Variants in DIRAS2 observed in about 807,000 individuals in gnomAD.
DIRAS2 encodes the protein GTP-binding protein Di-Ras2.
A neutral mutation model predicts 13.9 loss-of-function variants in DIRAS2; 5 were observed. That is an observed-to-expected ratio of 0.36 (90% CI 0.19 to 0.76). The LOEUF (loss-of-function observed/expected upper bound fraction) is 0.76, where lower values mean the gene tolerates loss of function less well. Ranked by LOEUF, DIRAS2 falls within the 30% of genes least tolerant of loss-of-function variation. The pLI is 0.53. For missense variants in DIRAS2, 191 were observed against 263.0 expected, an observed-to-expected ratio of 0.73 and a Z score of 1.89; for synonymous variants, 111 against 105.4, an observed-to-expected ratio of 1.05 and a Z score of -0.33.
intron 1 of DIRAS2, among the ~76,000 whole-genome samples, chr9:90,637,143 A>C (rs1825378899): frequency 6.6e-6 from 1 of 152,240 alleles, no homozygotes; most frequent in Admixed American, 6.5e-5. Context: ...ATTGAAGTAC[A>C]GTTTCTACCG....
chr9:90,632,448 T>A (rs941909892), intron 1 of DIRAS2, among the ~76,000 whole-genome samples: 2 of 152,206 alleles, frequency 1.3e-5, no homozygotes, highest in African/African-American at 4.8e-5. Flanking sequence ...AAAATATCAC[T>A]GGCTCAATGA....
chr9:90,629,448 A>G (rs989751488), intron 1 of DIRAS2, among the ~76,000 whole-genome samples: 32 of 152,302 alleles, frequency 2.1e-4, no homozygotes, highest in Admixed American at 1.1e-3. Context: ...GCTGTGGTAA[A>G]ATATATACAA....
At chr9:90,639,717 G>T (rs1181010928) in intron 1 of DIRAS2, among the ~76,000 whole-genome samples, 1 of 152,082 alleles carries the variant, frequency 6.6e-6, no homozygotes, top group Admixed American at 6.6e-5. Context: ...TCTACTCACT[G>T]GTTATTTTTC....
chr9:90,613,155 G>A lies in DIRAS2; in HGVS notation c.*73C>T. The A allele has an allele frequency of 6.4e-7, 1 of 1,556,214 alleles. No individual in the cohort carries two copies. Among genetic ancestry groups the A allele is most frequent in the Non-Finnish European group, 8.7e-7 (1 of 1,152,496 alleles). On this transcript the variant is annotated 3_prime_UTR_variant, in exon 2 of 2. Coordinates refer to ENST00000375765, the MANE Select transcript of DIRAS2 (RefSeq NM_017594.5). The surrounding 1 kb of genome is among the most constrained non-coding windows in gnomAD (Gnocchi z 5.6). ...ACGTGGGCATTATACATGCTACCCTGACGACGGTGGGTGTCATTTTGGGGG... is the reference window on the plus strand; with the variant it reads ...ACGTGGGCATTATACATGCTACCCTAACGACGGTGGGTGTCATTTTGGGGG...
At chr9:90,628,605 CCTCACGCATGG>C (rs376337314) in intron 1 of DIRAS2, among the ~76,000 whole-genome samples, 134 of 150,992 alleles carry the variant, frequency 8.9e-4, no homozygotes, top group Non-Finnish European at 1.5e-3. Context: ...GAGTGCAGTG[CCTCACGCATGG>C]CTCACTATAG....
intron 1 of DIRAS2, among the ~76,000 whole-genome samples, chr9:90,637,832 C>T (rs879418710): frequency 6.6e-6 from 1 of 152,168 alleles, no homozygotes; most frequent in Non-Finnish European, 1.5e-5. Flanking sequence ...AAGCCTGTTC[C>T]CCGTTGAGTC....
intron 1 of DIRAS2, among the ~76,000 whole-genome samples, chr9:90,635,869 G>A (rs1170942737): frequency 6.6e-6 from 1 of 152,082 alleles, no homozygotes; most frequent in African/African-American, 2.4e-5. Context: ...TATTTAGTAC[G>A]AGTGCTACAA....
chr9:90,634,458 C>A (rs1295022470), intron 1 of DIRAS2, among the ~76,000 whole-genome samples: 1 of 152,204 alleles, frequency 6.6e-6, no homozygotes, highest in Non-Finnish European at 1.5e-5. Flanking sequence ...AGTCCTAATA[C>A]CTGAGGAGCT....
At chr9:90,623,997 TAAGCTAAAAGGTTTACA>T (rs560721382) in intron 1 of DIRAS2, among the ~76,000 whole-genome samples, 3,560 of 152,254 alleles carry the variant, frequency 0.023, 137 homozygotes, top group African/African-American at 0.081. Context: ...ATCTACAGCC[TAAGCTAAAAGGTTTACA>T]AAGCTAAAAG....
At chr9:90,632,429 G>C (rs1026694745) in intron 1 of DIRAS2, among the ~76,000 whole-genome samples, 35 of 152,188 alleles carry the variant, frequency 2.3e-4, no homozygotes, top group African/African-American at 7.7e-4. Flanking sequence ...CCTCCCACAG[G>C]CCTGTGTTAA....
intron 1 of DIRAS2, among the ~76,000 whole-genome samples, chr9:90,633,328 G>A (rs190645763): frequency 1.6e-4 from 24 of 152,304 alleles, no homozygotes; most frequent in Admixed American, 5.9e-4. Flanking sequence ...GGAGAAGGAA[G>A]CATCAGAGAA....
At chr9:90,629,438 G>A (rs891107479) in intron 1 of DIRAS2, among the ~76,000 whole-genome samples, 2 of 151,780 alleles carry the variant, frequency 1.3e-5, no homozygotes, top group Non-Finnish European at 2.9e-5. Flanking sequence ...ACATTTTCCC[G>A]CTGTGGTAAA....
intron 1 of DIRAS2, among the ~76,000 whole-genome samples, chr9:90,624,889 C>A (rs80145145): frequency 6.6e-6 from 1 of 152,112 alleles, no homozygotes; most frequent in Non-Finnish European, 1.5e-5. Context: ...AGCCTCCCGA[C>A]GTGTTGGGCT....
intron 1 of DIRAS2, among the ~76,000 whole-genome samples, chr9:90,642,438 C>T (rs1825426967): frequency 6.6e-6 from 1 of 152,190 alleles, no homozygotes; most frequent in African/African-American, 2.4e-5. Context: ...TAAACTTCCA[C>T]ATTAACAGAA....
At chr9:90,631,295 G>A (rs1336404900) in intron 1 of DIRAS2, among the ~76,000 whole-genome samples, 2 of 152,210 alleles carry the variant, frequency 1.3e-5, no homozygotes, top group African/African-American at 4.8e-5. Context: ...CTTGAATGGA[G>A]AGAGGAAAGC....
intron 1 of DIRAS2, among the ~76,000 whole-genome samples, chr9:90,616,076 G>C (rs1048045976): frequency 5.9e-5 from 9 of 152,168 alleles, no homozygotes; most frequent in African/African-American, 1.9e-4. Context: ...ATCTTAACAA[G>C]TTCTGCATCC....
At chr9:90,627,237 G>A (rs748951838) in intron 1 of DIRAS2, among the ~76,000 whole-genome samples, 3 of 152,186 alleles carry the variant, frequency 2.0e-5, no homozygotes, top group Non-Finnish European at 4.4e-5. Flanking sequence ...TGTACAGCCT[G>A]CAGAACCATG....
At chr9:90,628,799 G>A (rs550495433) in intron 1 of DIRAS2, among the ~76,000 whole-genome samples, 3 of 151,916 alleles carry the variant, frequency 2.0e-5, no homozygotes, top group East Asian at 1.9e-4. Context: ...CACTTCCCTC[G>A]GCCTCCCAAA....
At chr9:90,635,796 G>A (rs72757630) in intron 1 of DIRAS2, among the ~76,000 whole-genome samples, 4,843 of 152,226 alleles carry the variant, frequency 0.032, 119 homozygotes, top group South Asian at 0.11. Context: ...ATAATATTTA[G>A]TATTTACATG....
Sources: allele counts gnomAD v4.1 joint callset (sites outside exome capture counted in the v4.1 genomes callset), GRCh38; gene constraint gnomAD v4.1.1; non-coding constraint Gnocchi (gnomAD v3.1); transcripts MANE v1.5; gene names NCBI Gene and HGNC (gene_info 2026-07-23, HGNC 2026-07-21).